Variants in CAMTA1 observed in about 807,000 individuals in gnomAD.
CAMTA1 encodes calmodulin-binding transcription activator 1.
In CAMTA1, 27 loss-of-function variants were observed where a neutral mutation model predicts 170.9. That is an observed-to-expected ratio of 0.16 (90% confidence interval 0.12 to 0.22). The LOEUF (loss-of-function observed/expected upper bound fraction) is 0.22, where lower values mean the gene tolerates loss of function less well. Ranked by LOEUF, CAMTA1 falls within the 10% of genes least tolerant of loss-of-function variation. The pLI is 1.00. For missense variants in CAMTA1, 1,619 were observed against 2,217.2 expected, an observed-to-expected ratio of 0.73 and a Z score of 5.42; for synonymous variants, 833 against 891.5, an observed-to-expected ratio of 0.93 and a Z score of 1.17.
At chr1:7,204,979 G>A (rs181693352) in intron 4 of CAMTA1, among the ~76,000 whole-genome samples, 64 of 151,128 alleles carry the variant, frequency 4.2e-4, no homozygotes, top group Middle Eastern at 3.5e-3. Context: ...ACAGGTGCCC[G>A]GACCACGCCC....
At chr1:7,579,345 T>C (rs993172446) in intron 6 of CAMTA1, among the ~76,000 whole-genome samples, 3 of 152,140 alleles carry the variant, frequency 2.0e-5, no homozygotes, top group African/African-American at 7.2e-5. Flanking sequence ...ACCGTCACGA[T>C]GGTGGCATGG....
intron 4 of CAMTA1, among the ~76,000 whole-genome samples, chr1:7,181,659 A>G (rs1285021759): frequency 6.6e-6 from 1 of 152,214 alleles, no homozygotes. Flanking sequence ...TTAGAAAGAT[A>G]TGGGCAAAGC....
intron 3 of CAMTA1, among the ~76,000 whole-genome samples, chr1:7,037,952 GT>G (rs1703882611): frequency 1.3e-5 from 2 of 150,396 alleles, no homozygotes; most frequent in Admixed American, 6.6e-5. Flanking sequence ...AAACACAATG[GT>G]TAAAATTACT....
At chr1:7,072,028 G>A (rs1638713986) in intron 3 of CAMTA1, among the ~76,000 whole-genome samples, 1 of 152,158 alleles carries the variant, frequency 6.6e-6, no homozygotes, top group African/African-American at 2.4e-5. Context: ...TGGAATCAAG[G>A]GCAAATGCTT....
chr1:7,011,538 G>C (rs1699796039), intron 3 of CAMTA1, among the ~76,000 whole-genome samples: 1 of 152,066 alleles, frequency 6.6e-6, no homozygotes, highest in Non-Finnish European at 1.5e-5. Context: ...ACATGGCGGG[G>C]GGGCCCTCTC....
chr1:7,623,536 C>T (rs1202096257), intron 6 of CAMTA1, among the ~76,000 whole-genome samples: 2 of 152,218 alleles, frequency 1.3e-5, no homozygotes, highest in Non-Finnish European at 2.9e-5. Context: ...GAAGGCACCT[C>T]GCCCTCAAGC....
In CAMTA1 at chr1:7,158,702, G is replaced by A. The variant is rs142533358; in HGVS notation, c.302+67331G>A. 3.0e-3 allele frequency among the ~76,000 whole-genome samples: 463 copies of A among 152,256 alleles called. 9 individuals are homozygous for A. The highest frequency in any genetic ancestry group is 0.026 in the Admixed American group (402 of 15,282). ...AAGATGTTAATTATAGAATCCAGGTGGTGGAAACAAGGGTTTCCTCTGTAA... is the reference window on the plus strand; with the variant it reads ...AAGATGTTAATTATAGAATCCAGGTAGTGGAAACAAGGGTTTCCTCTGTAA... On this transcript the variant is annotated intron_variant, in intron 4 of 22. Transcript: ENST00000303635.
chr1:7,548,299 C>T (rs1318989204), intron 6 of CAMTA1, among the ~76,000 whole-genome samples: 1 of 152,172 alleles, frequency 6.6e-6, no homozygotes, highest in Non-Finnish European at 1.5e-5. Context: ...TCCTTGCCCT[C>T]TTCTGTAGAC....
chr1:7,489,783 C>T (rs952177404), intron 6 of CAMTA1, among the ~76,000 whole-genome samples: 4 of 152,216 alleles, frequency 2.6e-5, no homozygotes, highest in African/African-American at 4.8e-5. Flanking sequence ...ACCCCTGGCC[C>T]GGAGCAGTTC....
At chr1:7,487,635 C>A (rs138658724) in intron 6 of CAMTA1, among the ~76,000 whole-genome samples, 1 of 152,184 alleles carries the variant, frequency 6.6e-6, no homozygotes, top group Non-Finnish European at 1.5e-5. Context: ...GCTGAGGATG[C>A]GGTGTCTTCT....
intron 5 of CAMTA1, among the ~76,000 whole-genome samples, chr1:7,356,523 G>A (rs1489263828): frequency 6.6e-6 from 1 of 152,176 alleles, no homozygotes; most frequent in East Asian, 1.9e-4. Flanking sequence ...GCCTACAGAT[G>A]GTTCAGGGAA....
intron 3 of CAMTA1, among the ~76,000 whole-genome samples, chr1:6,836,959 T>G (rs1557665359): frequency 6.6e-6 from 1 of 151,130 alleles, no homozygotes; most frequent in Non-Finnish European, 1.5e-5. Flanking sequence ...TTTTTTTTTT[T>G]GAGATGGAGT....
At chr1:6,843,776 G>A (rs972402654) in intron 3 of CAMTA1, among the ~76,000 whole-genome samples, 4 of 152,086 alleles carry the variant, frequency 2.6e-5, no homozygotes, top group African/African-American at 7.2e-5. Context: ...CACTGCGCCC[G>A]GCCCCAAACT....
At chr1:6,870,168 T>G (rs1667978788) in intron 3 of CAMTA1, among the ~76,000 whole-genome samples, 1 of 152,140 alleles carries the variant, frequency 6.6e-6, no homozygotes, top group Non-Finnish European at 1.5e-5. Flanking sequence ...GCTGAAATGG[T>G]CTAAATAATG....
At position 7,633,191 on chromosome 1, in the gene CAMTA1, G is replaced by A. The variant is rs764893864; in HGVS notation, c.511-7209G>A. On this transcript the variant is annotated intron_variant, in intron 6 of 22. Transcript: ENST00000303635. This position sits in a 1 kb window ranked among gnomAD's most constrained non-coding sequence, Gnocchi z 4.1. The stretch of plus-strand genomic sequence containing the variant: ...GGGTGAAAGGTGCCATCTAGAAAAG[G>A]TTCTCAAAGAGATTGACTCTACCTC... 6.6e-6 allele frequency among the ~76,000 whole-genome samples: 1 copy of A among 152,206 alleles called. No homozygotes were observed. Among genetic ancestry groups the A allele is most frequent in the South Asian group, 2.1e-4 (1 of 4,838 alleles).
intron 3 of CAMTA1, among the ~76,000 whole-genome samples, chr1:7,083,368 A>G (rs539708655): frequency 2.0e-5 from 3 of 152,330 alleles, no homozygotes; most frequent in African/African-American, 7.2e-5. Flanking sequence ...CCATTTTTCT[A>G]TATGCTAACA....
intron 6 of CAMTA1, among the ~76,000 whole-genome samples, chr1:7,521,237 A>C (rs12403559): frequency 0.098 from 14,883 of 152,234 alleles, 939 homozygotes; most frequent in South Asian, 0.15. Flanking sequence ...TGGCAAAATT[A>C]AAAGATGATA....
chr1:7,104,103 TAC>T (rs1214577818), intron 4 of CAMTA1, among the ~76,000 whole-genome samples: 5 of 120,016 alleles, frequency 4.2e-5, no homozygotes, highest in Admixed American at 9.1e-5. Flanking sequence ...CATACACAAC[TAC>T]ACACATGTAC....
intron 6 of CAMTA1, among the ~76,000 whole-genome samples, chr1:7,523,237 T>C (rs991414935): frequency 2.0e-5 from 3 of 152,242 alleles, no homozygotes; most frequent in African/African-American, 7.2e-5. Context: ...AACTCTGTAT[T>C]AATCCTCAGT....
Sources: allele counts gnomAD v4.1 joint callset (sites outside exome capture counted in the v4.1 genomes callset), GRCh38; gene constraint gnomAD v4.1.1; non-coding constraint Gnocchi (gnomAD v3.1); transcripts MANE v1.5; gene names NCBI Gene and HGNC (gene_info 2026-07-23, HGNC 2026-07-21).